Variants in MYT1L observed in about 807,000 individuals in gnomAD.
MYT1L encodes myelin transcription factor 1 like, also known as myelin transcription factor 1-like protein.
A neutral mutation model predicts 126.7 loss-of-function variants in MYT1L; 12 were observed. The observed-to-expected ratio is 0.09, with a 90% CI of 0.06 to 0.15. MYT1L has a LOEUF of 0.15. Ranked by LOEUF, MYT1L falls within the 10% of genes least tolerant of loss-of-function variation. The pLI is 1.00. For synonymous variants in MYT1L, 541 were observed against 604.2 expected (o/e 0.90, Z 1.53); for missense variants, 979 against 1,585.2 (o/e 0.62, Z 6.49).
At chr2:1,813,254 T>G (rs2036988773) in intron 21 of MYT1L, among the ~76,000 whole-genome samples, 1 of 152,100 alleles carries the variant, frequency 6.6e-6, no homozygotes, top group Non-Finnish European at 1.5e-5. Flanking sequence ...CCTCTGCTGT[T>G]TGCGCCTGAA....
intron 1 of MYT1L, among the ~76,000 whole-genome samples, chr2:2,313,758 C>G (rs1339315655): frequency 1.3e-5 from 2 of 152,122 alleles, no homozygotes; most frequent in South Asian, 4.1e-4. Flanking sequence ...ATACATTCTG[C>G]AAGTCATGTT....
chr2:1,901,251 C>T (rs1221345831), intron 14 of MYT1L, among the ~76,000 whole-genome samples: 1 of 152,058 alleles, frequency 6.6e-6, no homozygotes, highest in South Asian at 2.1e-4. Context: ...AGAAATCAGC[C>T]CACACGGAAC....
intron 3 of MYT1L, among the ~76,000 whole-genome samples, chr2:2,144,521 T>C (rs1006316736): frequency 6.6e-6 from 1 of 152,234 alleles, no homozygotes; most frequent in African/African-American, 2.4e-5. Flanking sequence ...TCTCTAATAC[T>C]ATGGTTTTTC....
intron 19 of MYT1L, among the ~76,000 whole-genome samples, chr2:1,850,168 TCCCCTC>T (rs1312330112): frequency 5.4e-5 from 6 of 110,784 alleles, no homozygotes; most frequent in Middle Eastern, 4.6e-3. Context: ...TCCCTTCCCT[TCCCCTC>T]CCCCTCCCCC....
Position 1,821,591 on chromosome 2 carries a change from C to A in MYT1L, c.3081-12424G>T, listed in dbSNP as rs13402408. The stretch of plus-strand genomic sequence containing the variant: ...GAGCTTCTTTTGCCCCCTGGTAAGG[C>A]TGGTTTGTTTGCTTGGTTTCTGCCA... On this transcript the variant is annotated intron_variant, in intron 21 of 24. Transcript: ENST00000647738. Among the ~76,000 whole-genome samples the A allele has an allele frequency of 8.3e-3, 1,268 of 152,298 alleles. 15 individuals are homozygous for A. Among genetic ancestry groups the A allele is most frequent in the African/African-American group, 0.029 (1,209 of 41,568 alleles).
chr2:1,996,490 G>A (rs554380962), intron 5 of MYT1L, among the ~76,000 whole-genome samples: 2 of 149,922 alleles, frequency 1.3e-5, no homozygotes, highest in East Asian at 2.0e-4. Flanking sequence ...GCACAGAGCC[G>A]AGTGTAGACG....
At chr2:2,120,829 C>CAAT (rs960425535) in intron 3 of MYT1L, among the ~76,000 whole-genome samples, 2 of 152,066 alleles carry the variant, frequency 1.3e-5, no homozygotes, top group South Asian at 4.2e-4. Context: ...CTGAACCGTG[C>CAAT]AATACCTCGC....
chr2:2,249,139 T>C (rs543069872), intron 2 of MYT1L, among the ~76,000 whole-genome samples: 1 of 152,066 alleles, frequency 6.6e-6, no homozygotes, highest in South Asian at 2.1e-4. Context: ...CACCAAAAAA[T>C]GATTAGAACT....
At chr2:1,805,531 C>T (rs1026978500) in intron 22 of MYT1L, among the ~76,000 whole-genome samples, 1 of 152,122 alleles carries the variant, frequency 6.6e-6, no homozygotes, top group Non-Finnish European at 1.5e-5. Flanking sequence ...GTGGGCAGAT[C>T]GCTTGAGCTC....
intron 19 of MYT1L, among the ~76,000 whole-genome samples, chr2:1,845,630 A>G (rs921172761): frequency 4.6e-5 from 7 of 152,066 alleles, no homozygotes. Flanking sequence ...TGCCACTGTC[A>G]CCATCCAAGT....
At chr2:2,247,491 C>T (rs1214708789) in intron 2 of MYT1L, among the ~76,000 whole-genome samples, 3 of 152,136 alleles carry the variant, frequency 2.0e-5, no homozygotes, top group African/African-American at 7.2e-5. Context: ...CGAAAATTAA[C>T]AAAGCAACAT....
chr2:2,181,992 T>C (rs561614912), intron 2 of MYT1L, among the ~76,000 whole-genome samples: 5 of 152,256 alleles, frequency 3.3e-5, no homozygotes, highest in South Asian at 4.2e-4. Flanking sequence ...AGGCTGGACA[T>C]TGACAAGTGT....
At chr2:2,320,492 A>G (rs9678960) in intron 1 of MYT1L, among the ~76,000 whole-genome samples, 4 of 149,764 alleles carry the variant, frequency 2.7e-5, no homozygotes, top group Non-Finnish European at 4.5e-5. Context: ...AAAAAAAAAG[A>G]AAAAAAAAGC....
chr2:1,892,018 C>G lies in MYT1L; in HGVS notation c.2283+19G>C, dbSNP rs760575625. 6.0e-6 allele frequency: 9 copies of G among 1,496,252 alleles called. No homozygotes were observed. Among genetic ancestry groups the G allele is most frequent in the Non-Finnish European group, 7.1e-6 (8 of 1,123,142 alleles). 92.7% of individuals were successfully genotyped at this position (1,496,252 alleles called of 1,614,324 possible). On this transcript the variant is annotated intron_variant, in intron 15 of 24. Transcript: ENST00000647738. ...CTCCCCCACCCGCCAGGTGGCTCCA[C>G]CTGCCCAGGCGCGCGTACCCGCGTG...
intron 3 of MYT1L, among the ~76,000 whole-genome samples, chr2:2,058,570 G>A (rs541194672): frequency 1.1e-3 from 174 of 152,332 alleles, no homozygotes; most frequent in African/African-American, 3.8e-3. Context: ...AATCACAAGA[G>A]TCTAGAATTG....
At chr2:2,117,755 T>C (rs771496778) in intron 3 of MYT1L, among the ~76,000 whole-genome samples, 3 of 151,956 alleles carry the variant, frequency 2.0e-5, no homozygotes, top group Non-Finnish European at 4.4e-5. Context: ...TTAGGAAACA[T>C]ACTAGAAATA....
intron 5 of MYT1L, among the ~76,000 whole-genome samples, chr2:1,995,290 G>A (rs958762211): frequency 6.6e-6 from 1 of 152,192 alleles, no homozygotes; most frequent in African/African-American, 2.4e-5. Context: ...CTCCACACGT[G>A]TGAGGGGACG....
chr2:2,072,417 C>T (rs1365813594), intron 3 of MYT1L, among the ~76,000 whole-genome samples: 1 of 152,146 alleles, frequency 6.6e-6, no homozygotes, highest in Non-Finnish European at 1.5e-5. Flanking sequence ...ATGTTAAGAC[C>T]TGAGCAAATT....
At chr2:1,885,119 C>T (rs2048011800) in intron 18 of MYT1L, 1 of 152,256 alleles carries the variant, frequency 6.6e-6, no homozygotes, top group African/African-American at 2.4e-5. Flanking sequence ...ATGTGCCAAT[C>T]TTTGGCAAAG....
Sources: allele counts gnomAD v4.1 joint callset (sites outside exome capture counted in the v4.1 genomes callset), GRCh38; gene constraint gnomAD v4.1.1; transcripts MANE v1.5; gene names NCBI Gene and HGNC (gene_info 2026-07-23, HGNC 2026-07-21).